XKR9: variants seen among roughly 807,000 people sequenced by gnomAD.
XKR9 encodes the protein XK-related protein 9.
XKR9 carries 32 observed loss-of-function variants against 32.0 expected under a neutral mutation model. The ratio of observed to expected loss-of-function variants is 1.00; its 90% CI spans 0.76 to 1.34. The LOEUF (loss-of-function observed/expected upper bound fraction) is 1.34, where lower values mean the gene tolerates loss of function less well. Among genes scored for constraint, XKR9 ranks in the 40% most tolerant of loss-of-function variants. The pLI is 0.00. For missense variants in XKR9, 546 were observed against 429.7 expected (o/e 1.27, Z -2.39); for synonymous variants, 168 against 143.4 (o/e 1.17, Z -1.22).
chr8:70,952,604 G>A, the XKR9 span, among the ~76,000 whole-genome samples: 2 of 152,218 alleles, frequency 1.3e-5, no homozygotes, highest in South Asian at 2.1e-4. Context: ...ATTGAAAGGA[G>A]CATGAGGCCC....
downstream of XKR9, among the ~76,000 whole-genome samples, chr8:70,738,511 C>G (rs10096516): frequency 0.39 from 55,834 of 142,008 alleles, 13,794 homozygotes; most frequent in Non-Finnish European, 0.52. Context: ...CCTTCTGCTA[C>G]CTTTTGAATG....
chr8:70,945,624 T>C, the XKR9 span, among the ~76,000 whole-genome samples: 1 of 152,188 alleles, frequency 6.6e-6, no homozygotes, highest in Non-Finnish European at 1.5e-5. Flanking sequence ...CCTAACTCCA[T>C]TCTAGCTTTT....
the XKR9 span, among the ~76,000 whole-genome samples, chr8:70,823,832 C>T: frequency 1.4e-4 from 22 of 152,158 alleles, no homozygotes; most frequent in East Asian, 4.2e-3. Context: ...ATCAAGTGGA[C>T]AGGGGTCTAT....
At chr8:70,941,230 C>T in the XKR9 span, among the ~76,000 whole-genome samples, 1 of 151,656 alleles carries the variant, frequency 6.6e-6, no homozygotes, top group Non-Finnish European at 1.5e-5. Flanking sequence ...TAATATGTAA[C>T]CTTTTGTGTC....
chr8:70,715,088 C>T (rs1033616586), intron 4 of XKR9, among the ~76,000 whole-genome samples: 1 of 152,070 alleles, frequency 6.6e-6, no homozygotes, highest in Non-Finnish European at 1.5e-5. Context: ...ATTGTGCCTT[C>T]ACATTGGGAA....
chr8:70,863,024 G>A, the XKR9 span, among the ~76,000 whole-genome samples: 9,057 of 152,176 alleles, frequency 0.06, 411 homozygotes, highest in Non-Finnish European at 0.089. Flanking sequence ...GGAGTAGAAA[G>A]GAAGTTAGTG....
At chr8:70,819,786 GT>G in the XKR9 span, among the ~76,000 whole-genome samples, 1 of 152,242 alleles carries the variant, frequency 6.6e-6, no homozygotes, top group South Asian at 2.1e-4. Context: ...CAAACCATTA[GT>G]TAATCGTTCC....
intron 4 of XKR9, among the ~76,000 whole-genome samples, chr8:70,731,996 G>T (rs1296000862): frequency 6.6e-6 from 1 of 152,176 alleles, no homozygotes; most frequent in African/African-American, 2.4e-5. Context: ...TCCTGATTAA[G>T]GAGAAGTCTC....
rs951921073 is a variant in XKR9, at chr8:70,698,479, A to G, written c.273-8454A>G. ...TTCAGGAGCAGGTTGTTCAGTTTCC[A>G]TGTAGTTGAGTGGTTTTGAGTGAGT... On this transcript the variant is annotated intron_variant, in intron 3 of 4. Coordinates refer to ENST00000408926, the MANE Select transcript of XKR9 (RefSeq NM_001011720.2). Among the ~76,000 whole-genome samples the G allele has an allele frequency of 2.6e-3, 390 of 151,870 alleles. 4 individuals are homozygous for G. Among genetic ancestry groups the G allele is most frequent in the African/African-American group, 8.8e-3 (362 of 41,336 alleles).
chr8:70,825,694 G>T, the XKR9 span, among the ~76,000 whole-genome samples: 1 of 152,052 alleles, frequency 6.6e-6, no homozygotes, highest in Non-Finnish European at 1.5e-5. Context: ...CCAAATTGCA[G>T]TCATGTCTGT....
chr8:70,815,861 T>C, the XKR9 span, among the ~76,000 whole-genome samples: 1 of 152,148 alleles, frequency 6.6e-6, no homozygotes, highest in South Asian at 2.1e-4. Context: ...CTGTGGTATA[T>C]GCGCACCACA....
the XKR9 span, among the ~76,000 whole-genome samples, chr8:70,875,028 A>G: frequency 2.9e-4 from 44 of 152,322 alleles, no homozygotes; most frequent in East Asian, 8.5e-3. Context: ...AAAGAAAGGG[A>G]AAAATCAGAT....
intron 3 of XKR9, among the ~76,000 whole-genome samples, chr8:70,695,049 G>C (rs1293560682): frequency 2.0e-5 from 3 of 152,034 alleles, no homozygotes; most frequent in Non-Finnish European, 4.4e-5. Context: ...GTTGCTCTTG[G>C]ACTTACCACT....
At chr8:70,774,158 T>TA (rs1807488929) in intron 2 of XKR9, among the ~76,000 whole-genome samples, 1 of 152,146 alleles carries the variant, frequency 6.6e-6, no homozygotes, top group Non-Finnish European at 1.5e-5. Context: ...CATATACACT[T>TA]AGGGATACAG....
intron 3 of XKR9, among the ~76,000 whole-genome samples, chr8:70,688,983 A>G (rs1289321521): frequency 2.0e-5 from 3 of 152,168 alleles, no homozygotes; most frequent in African/African-American, 2.4e-5. Flanking sequence ...TCCAGAAGCT[A>G]TAACAATTGT....
chr8:70,681,257 T>G lies in XKR9; in HGVS notation c.199T>G (p.Leu67Val). ...TAGTTATTCTTGGTTCAAGGCTGAT[T>G]TAAAGAAAGCAGGCCAAGAAAGTCA... is the stretch of plus-strand genomic sequence containing the variant. ...CFSYSWFKAD[L>V]KKAGQESQHC... Residue 67 changes from leucine to valine, a missense_variant, in exon 3 of 5, where the codon TTA (leucine) becomes GTA (valine). Leu to Val is a conservative substitution (Grantham distance 32). Coordinates refer to ENST00000408926, the MANE Select transcript of XKR9 (RefSeq NM_001011720.2). 6.2e-7 allele frequency: 1 copy of G among 1,613,508 alleles called. No homozygotes were observed. The highest frequency in any genetic ancestry group is 1.7e-5 in the Admixed American group (1 of 60,000).
At chr8:70,754,725 A>C (rs1807192797) in intron 2 of XKR9, among the ~76,000 whole-genome samples, 1 of 151,262 alleles carries the variant, frequency 6.6e-6, no homozygotes, top group Non-Finnish European at 1.5e-5. Context: ...GAAAGCTGAA[A>C]CTGGATCCCT....
At chr8:71,006,070 C>CT in the XKR9 span, among the ~76,000 whole-genome samples, 1 of 152,214 alleles carries the variant, frequency 6.6e-6, no homozygotes, top group Non-Finnish European at 1.5e-5. Flanking sequence ...GCTATATGTT[C>CT]TTTTTGACAT....
At chr8:70,926,637 A>G in the XKR9 span, among the ~76,000 whole-genome samples, 1 of 152,214 alleles carries the variant, frequency 6.6e-6, no homozygotes, top group African/African-American at 2.4e-5. Context: ...TATTTCAACC[A>G]ATCTTAATTT....
Sources: gnomAD v4.1 joint callset for allele counts (sites outside exome capture counted in the v4.1 genomes callset) on GRCh38, gnomAD v4.1.1 for gene constraint, MANE v1.5 for transcripts, NCBI Gene and HGNC (gene_info 2026-07-23, HGNC 2026-07-21) for gene names.